Variants in WWOX observed in about 807,000 individuals in gnomAD.
The protein encoded by WWOX is WW domain containing oxidoreductase, also known as WW domain-containing oxidoreductase.
Under a neutral mutation model 46.2 loss-of-function variants are expected in WWOX, and 69 were observed. That is an observed-to-expected ratio of 1.49 (90% CI 1.23 to 1.82). WWOX has a LOEUF of 1.82. WWOX is among the 40% of genes most tolerant of loss of function. The pLI is 0.00. For synonymous variants in WWOX, 359 were observed against 202.6 expected, an observed-to-expected ratio of 1.77 and a Z score of -6.56; for missense variants, 919 against 542.6, an observed-to-expected ratio of 1.69 and a Z score of -6.89.
At chr16:78,366,968 CAT>C (rs1491470558) in intron 5 of WWOX, among the ~76,000 whole-genome samples, 5 of 91,114 alleles carry the variant, frequency 5.5e-5, no homozygotes, top group African/African-American at 2.1e-4. Context: ...ACAAAAGTTA[CAT>C]TTTTTTTTTT....
intron 2 of WWOX, 33 bp downstream of exon 2, chr16:78,108,520 G>A (rs765817548): frequency 6.2e-7 from 1 of 1,610,294 alleles, no homozygotes. Context: ...ATCTTGGATG[G>A]AAGCATTAAG....
At chr16:78,885,195 T>C (rs2044429087) in intron 8 of WWOX, among the ~76,000 whole-genome samples, 1 of 151,086 alleles carries the variant, frequency 6.6e-6, no homozygotes, top group South Asian at 2.1e-4. Flanking sequence ...CTCTCTACTT[T>C]TTTTTTTTTT....
At chr16:79,170,120 C>G (rs139153268) in intron 8 of WWOX, among the ~76,000 whole-genome samples, 1 of 152,326 alleles carries the variant, frequency 6.6e-6, no homozygotes, top group Non-Finnish European at 1.5e-5. Flanking sequence ...TTCATCATCT[C>G]TGGAAAAGTT....
chr16:78,262,854 A>T (rs2079276247), intron 5 of WWOX, among the ~76,000 whole-genome samples: 1 of 152,162 alleles, frequency 6.6e-6, no homozygotes, highest in Non-Finnish European at 1.5e-5. Flanking sequence ...TACTCTGTTG[A>T]TCATAAAAGT....
intron 8 of WWOX, among the ~76,000 whole-genome samples, chr16:78,478,152 T>G (rs1240416707): frequency 6.6e-6 from 1 of 152,210 alleles, no homozygotes; most frequent in African/African-American, 2.4e-5. Context: ...ATGTACGGTT[T>G]AAAGTGTAAT....
chr16:78,744,071 T>C (rs1268883889), intron 8 of WWOX, among the ~76,000 whole-genome samples: 1 of 152,152 alleles, frequency 6.6e-6, no homozygotes, highest in Non-Finnish European at 1.5e-5. Context: ...AGTAACATAA[T>C]GAATGTCTGG....
chr16:78,873,202 T>A (rs1444261951), intron 8 of WWOX: 2 of 152,228 alleles, frequency 1.3e-5, no homozygotes, highest in Non-Finnish European at 2.9e-5. Flanking sequence ...TTATTATGTA[T>A]GTGCTTTTCT....
At chr16:78,554,499 A>C (rs1449353302) in intron 8 of WWOX, among the ~76,000 whole-genome samples, 1 of 152,324 alleles carries the variant, frequency 6.6e-6, no homozygotes, top group African/African-American at 2.4e-5. Context: ...ATAGATACAT[A>C]CATACACATA....
intron 8 of WWOX, among the ~76,000 whole-genome samples, chr16:78,607,482 G>T (rs191713210): frequency 6.6e-6 from 1 of 152,078 alleles, no homozygotes; most frequent in Non-Finnish European, 1.5e-5. Context: ...TTGTTATAAA[G>T]ATTTTTATTG....
intron 8 of WWOX, among the ~76,000 whole-genome samples, chr16:79,146,306 C>G (rs1653697264): frequency 6.6e-6 from 1 of 152,140 alleles, no homozygotes; most frequent in African/African-American, 2.4e-5. Context: ...AGGTATTCTC[C>G]TACCAGCAGA....
intron 8 of WWOX, among the ~76,000 whole-genome samples, chr16:79,017,894 T>C (rs2047450076): frequency 6.6e-6 from 1 of 152,210 alleles, no homozygotes; most frequent in Admixed American, 6.5e-5. Flanking sequence ...ACATCCAGGC[T>C]AGATCCTTAA....
intron 8 of WWOX, among the ~76,000 whole-genome samples, chr16:78,666,151 G>T (rs1281061174): frequency 1.3e-5 from 2 of 152,084 alleles, no homozygotes; most frequent in East Asian, 3.9e-4. Flanking sequence ...GCCGAGTGTG[G>T]TGGTGTGCCA....
At chr16:78,385,307 C>A (rs1409180518) in intron 5 of WWOX, among the ~76,000 whole-genome samples, 1 of 152,206 alleles carries the variant, frequency 6.6e-6, no homozygotes, top group African/African-American at 2.4e-5. Context: ...CCCACCCAGA[C>A]TACCATTTAT....
chr16:78,474,845 G>C (rs79538907), intron 8 of WWOX, among the ~76,000 whole-genome samples: 1,757 of 152,268 alleles, frequency 0.012, 21 homozygotes, highest in African/African-American at 0.033. Flanking sequence ...GTGGTTCTTT[G>C]TGAGTGGTCC....
At chr16:79,101,355 A>T (rs2049188990) in intron 8 of WWOX, 1 of 152,206 alleles carries the variant, frequency 6.6e-6, no homozygotes, top group Admixed American at 6.5e-5. Flanking sequence ...TTCGCAGGTT[A>T]TAGAAGGATT....
At chr16:78,693,822 T>C (rs1257575031) in intron 8 of WWOX, among the ~76,000 whole-genome samples, 1 of 152,194 alleles carries the variant, frequency 6.6e-6, no homozygotes, top group African/African-American at 2.4e-5. Flanking sequence ...TTCTTCATGC[T>C]TGTAAATTAT....
In WWOX at chr16:79,027,625, A is replaced by G. The variant is rs111428808; in HGVS notation, c.1057-183983A>G. Among the ~76,000 whole-genome samples the G allele has an allele frequency of 3.3e-5, 5 of 151,912 alleles. 1 individual carries two copies. The highest frequency in any genetic ancestry group is 1.2e-4 in the African/African-American group (5 of 41,210). On this transcript the variant is annotated intron_variant, in intron 8 of 8. Coordinates refer to ENST00000566780, the MANE Select transcript of WWOX (RefSeq NM_016373.4). ...AATCTGAAAAATCTCTTCCTTTCCT[A>G]TCGTGAATTCGGTCATTGTTATAAG...
intron 8 of WWOX, among the ~76,000 whole-genome samples, chr16:78,994,815 G>A (rs2046954923): frequency 6.6e-6 from 1 of 152,052 alleles, no homozygotes; most frequent in Non-Finnish European, 1.5e-5. Flanking sequence ...GCCGTGTCAT[G>A]CACCATTTGC....
At chr16:78,234,040 G>T (rs1012122787) in intron 5 of WWOX, among the ~76,000 whole-genome samples, 1 of 152,116 alleles carries the variant, frequency 6.6e-6, no homozygotes, top group African/African-American at 2.4e-5. Context: ...TAGGATGGCA[G>T]GTCGTGGGAC....
Sources: allele counts gnomAD v4.1 joint callset (sites outside exome capture counted in the v4.1 genomes callset), GRCh38; gene constraint gnomAD v4.1.1; transcripts MANE v1.5; gene names NCBI Gene and HGNC (gene_info 2026-07-23, HGNC 2026-07-21).